TBC1D5: variants seen among roughly 807,000 people sequenced by gnomAD.
TBC1D5 encodes the protein TBC1 domain family, member 5.
In TBC1D5, 75 loss-of-function variants were observed where a neutral mutation model predicts 100.3. The observed-to-expected ratio is 0.75, with a 90% CI of 0.62 to 0.91. The LOEUF (loss-of-function observed/expected upper bound fraction) is 0.91, where lower values mean the gene tolerates loss of function less well. Among genes scored for constraint, TBC1D5 ranks in the 40% least tolerant of loss-of-function variants. The probability of loss-of-function intolerance (pLI) is 0.00; values close to 1 mark genes in which losing one functional copy is unlikely to be tolerated. For missense variants in TBC1D5, 910 were observed against 942.4 expected (o/e 0.97, Z 0.45); for synonymous variants, 323 against 325.6 (o/e 0.99, Z 0.09).
chr3:17,425,087 T>C (rs2094305506), intron 4 of TBC1D5, among the ~76,000 whole-genome samples: 1 of 152,190 alleles, frequency 6.6e-6, no homozygotes, highest in Non-Finnish European at 1.5e-5. Flanking sequence ...TAGATCACTG[T>C]AACAATTTCT....
intron 8 of TBC1D5, among the ~76,000 whole-genome samples, chr3:17,397,715 C>T (rs549195087): frequency 6.6e-6 from 1 of 152,154 alleles, no homozygotes; most frequent in East Asian, 1.9e-4. Context: ...CATGGAGATA[C>T]AAGTAAGAAA....
chr3:17,719,403 C>G (rs745586103), intron 1 of TBC1D5, among the ~76,000 whole-genome samples: 31 of 152,032 alleles, frequency 2.0e-4, no homozygotes, highest in Non-Finnish European at 3.8e-4. Flanking sequence ...CTAGAAAAGC[C>G]CATTTTGTCC....
intron 18 of TBC1D5, among the ~76,000 whole-genome samples, chr3:17,188,113 G>T (rs2069378325): frequency 6.6e-6 from 1 of 152,214 alleles, no homozygotes; most frequent in Admixed American, 6.5e-5. Flanking sequence ...TGAGCTTAAA[G>T]AGGGCCTCTT....
chr3:17,647,854 G>A (rs781318600), intron 1 of TBC1D5, among the ~76,000 whole-genome samples: 1 of 152,154 alleles, frequency 6.6e-6, no homozygotes, highest in African/African-American at 2.4e-5. Flanking sequence ...CTAGTCCAAA[G>A]GGAGATAGCT....
chr3:17,471,539 A>C (rs1346295425), intron 3 of TBC1D5, among the ~76,000 whole-genome samples: 2 of 152,080 alleles, frequency 1.3e-5, no homozygotes, highest in African/African-American at 2.4e-5. Flanking sequence ...ACAAATAATA[A>C]TACTACATAA....
chr3:17,525,279 G>A (rs1013393844), intron 2 of TBC1D5, among the ~76,000 whole-genome samples: 2 of 151,936 alleles, frequency 1.3e-5, no homozygotes, highest in African/African-American at 4.8e-5. Context: ...ACAGGCACCC[G>A]CCACCATACC....
chr3:17,574,598 G>A (rs543142273), intron 2 of TBC1D5, among the ~76,000 whole-genome samples: 16 of 152,060 alleles, frequency 1.1e-4, no homozygotes. Flanking sequence ...GGGCCATGTT[G>A]CTTGTCTCTA....
At chr3:17,258,912 T>C (rs1006122598) in intron 15 of TBC1D5, among the ~76,000 whole-genome samples, 18 of 152,262 alleles carry the variant, frequency 1.2e-4, no homozygotes, top group African/African-American at 4.1e-4. Flanking sequence ...CTATATGAGA[T>C]GTAACACAAC....
At chr3:17,496,292 TTAA>T (rs1387624888) in intron 3 of TBC1D5, among the ~76,000 whole-genome samples, 1 of 152,222 alleles carries the variant, frequency 6.6e-6, no homozygotes, top group East Asian at 1.9e-4. Flanking sequence ...CCTAATTGTA[TTAA>T]TTGTGATACC....
intron 1 of TBC1D5, among the ~76,000 whole-genome samples, chr3:17,704,036 G>T (rs1240517870): frequency 7.0e-6 from 1 of 142,762 alleles, no homozygotes; most frequent in African/African-American, 2.6e-5. Context: ...GTGAACAAAG[G>T]TCTCTGGTTT....
At chr3:17,688,001 A>T (rs1382803126) in intron 1 of TBC1D5, among the ~76,000 whole-genome samples, 1 of 152,242 alleles carries the variant, frequency 6.6e-6, no homozygotes, top group Non-Finnish European at 1.5e-5. Flanking sequence ...TTTTCATTAG[A>T]GAAGTTCACT....
chr3:17,466,751 T>C (rs553433778), intron 3 of TBC1D5, among the ~76,000 whole-genome samples: 68 of 151,184 alleles, frequency 4.5e-4, no homozygotes, highest in African/African-American at 1.6e-3. Context: ...GCTTAACACC[T>C]TATATGCAAA....
chr3:17,448,393 T>C (rs1175484828), intron 3 of TBC1D5, among the ~76,000 whole-genome samples: 2 of 152,202 alleles, frequency 1.3e-5, no homozygotes, highest in East Asian at 3.8e-4. Context: ...ATATTCTTAA[T>C]AGATCTATTA....
intron 3 of TBC1D5, among the ~76,000 whole-genome samples, chr3:17,484,541 A>C (rs2095537896): frequency 6.7e-6 from 1 of 149,836 alleles, no homozygotes; most frequent in African/African-American, 2.5e-5. Context: ...TTTTAAAGAT[A>C]ATAAGGTAAC....
intron 1 of TBC1D5, among the ~76,000 whole-genome samples, chr3:17,698,411 T>A (rs1577575326): frequency 6.6e-6 from 1 of 151,864 alleles, no homozygotes; most frequent in Non-Finnish European, 1.5e-5. Flanking sequence ...ATTAAAGACT[T>A]AAACGTTAGA....
rs1318145333 is a variant in TBC1D5 at position 17,689,234 on chromosome 3, A to G, written c.-101+50109T>C. ...AATAGATGGACCCAGTCCTCTAGAA[A>G]ATGCGTTAGACACTCACAACAAAGT... On this transcript the variant is annotated intron_variant, in intron 1 of 21. Coordinates refer to ENST00000253692, the Ensembl canonical transcript of TBC1D5. 2.0e-5 allele frequency among the ~76,000 whole-genome samples: 3 copies of G among 152,184 alleles called. No individual in the cohort carries two copies. In the East Asian group the frequency reaches 5.8e-4, roughly 29 times the overall value.
intron 1 of TBC1D5, among the ~76,000 whole-genome samples, chr3:17,666,330 A>C (rs2067250485): frequency 6.6e-6 from 1 of 152,142 alleles, no homozygotes; most frequent in Non-Finnish European, 1.5e-5. Flanking sequence ...TTATCTCCCA[A>C]AACTTCTGTT....
chr3:17,432,360 T>A (rs540393159), intron 3 of TBC1D5, among the ~76,000 whole-genome samples: 12 of 152,298 alleles, frequency 7.9e-5, no homozygotes, highest in African/African-American at 2.9e-4. Flanking sequence ...AAATGATTTT[T>A]AAAAATCTAT....
chr3:17,723,642 TA>T (rs1327380114), intron 1 of TBC1D5, among the ~76,000 whole-genome samples: 3 of 152,200 alleles, frequency 2.0e-5, no homozygotes, highest in Admixed American at 1.3e-4. Context: ...AACATATATT[TA>T]AAAAATTTTT....
Sources: gnomAD v4.1 joint callset for allele counts (sites outside exome capture counted in the v4.1 genomes callset) on GRCh38, gnomAD v4.1.1 for gene constraint, MANE v1.5 for transcripts, NCBI Gene and HGNC (gene_info 2026-07-23, HGNC 2026-07-21) for gene names.